AP4E1: variants seen among roughly 807,000 people sequenced by gnomAD.
The protein encoded by AP4E1 is AP-4 complex subunit epsilon-1.
A neutral mutation model predicts 128.2 loss-of-function variants in AP4E1; 56 were observed. The ratio of observed to expected loss-of-function variants is 0.44; its 90% CI spans 0.35 to 0.55. AP4E1 has a LOEUF of 0.55. Among genes scored for constraint, AP4E1 ranks in the 20% least tolerant of loss-of-function variants. The pLI is 0.00. For synonymous variants in AP4E1, 484 were observed against 473.1 expected (o/e 1.02, Z -0.30); for missense variants, 1,324 against 1,307.7 (o/e 1.01, Z -0.19).
At chr15:50,977,772 A>G (rs1009011166) in intron 15 of AP4E1, among the ~76,000 whole-genome samples, 5 of 140,470 alleles carry the variant, frequency 3.6e-5, no homozygotes, top group African/African-American at 8.2e-5. Context: ...CAGTGTTGCA[A>G]TCTTTTGGCT....
At chr15:50,922,389 G>A (rs1413976589) in intron 3 of AP4E1, among the ~76,000 whole-genome samples, 1 of 151,958 alleles carries the variant, frequency 6.6e-6, no homozygotes, top group Non-Finnish European at 1.5e-5. Flanking sequence ...TCTTGGCCCG[G>A]GTCAGATTTG....
chr15:50,993,689 C>G, intron 17 of AP4E1, 64 bp downstream of exon 17: 2 of 1,598,254 alleles, frequency 1.3e-6, no homozygotes, highest in Non-Finnish European at 1.7e-6. Flanking sequence ...AAAACTGGCT[C>G]TATAAAAGCT....
At chr15:50,993,305 T>A (rs1468996509) in intron 16 of AP4E1, 65 bp from the exon 17 acceptor site, 13 of 1,560,218 alleles carry the variant, frequency 8.3e-6, no homozygotes, top group African/African-American at 2.7e-5. Flanking sequence ...TTTGAAAGAA[T>A]GCCTCAAGAA....
In AP4E1 at chr15:50,930,859, C is replaced by A. The variant is rs770999118; in HGVS notation, c.757C>A (p.Gln253Lys). 8 of 1,614,018 alleles carry A rather than the reference C, an allele frequency of 5.0e-6. No individual in the cohort carries two copies. The highest frequency in any genetic ancestry group is 6.8e-6 in the Non-Finnish European group (8 of 1,179,992). The change falls in exon 7 of 21, where the codon CAA becomes AAA. Residue 253 changes from glutamine (Q) to lysine (K), a missense_variant. Coordinates refer to ENST00000261842, the MANE Select transcript of AP4E1 (RefSeq NM_007347.5). ...LTGSFVTILK[Q>K]VVGGKLPVEF... ...TGGGAGTTTTGTAACCATTTTGAAGCAAGTAGTTGGAGGAAAGCTCCCAGT... is the reference window on the plus strand; with the variant it reads ...TGGGAGTTTTGTAACCATTTTGAAGAAAGTAGTTGGAGGAAAGCTCCCAGT...
chr15:50,957,372 T>C (rs1366111762), intron 13 of AP4E1, among the ~76,000 whole-genome samples: 1 of 152,166 alleles, frequency 6.6e-6, no homozygotes, highest in African/African-American at 2.4e-5. Context: ...CGCTTCTCTC[T>C]GACATCCAGC....
chr15:50,962,146 A>G (rs1050542566), intron 14 of AP4E1, among the ~76,000 whole-genome samples: 1 of 152,190 alleles, frequency 6.6e-6, no homozygotes, highest in Admixed American at 6.5e-5. Flanking sequence ...AATAAATCCC[A>G]TGCTCATGGA....
chr15:50,909,405 A>G (rs2063536660), intron 1 of AP4E1, among the ~76,000 whole-genome samples: 3 of 152,110 alleles, frequency 2.0e-5, no homozygotes, highest in Admixed American at 2.0e-4. Flanking sequence ...GATGTCGCAT[A>G]CCTGAAGAGA....
intron 14 of AP4E1, among the ~76,000 whole-genome samples, chr15:50,959,926 A>G (rs755963223): frequency 3.1e-4 from 47 of 152,208 alleles, no homozygotes; most frequent in Non-Finnish European, 5.7e-4. Context: ...AAGTGAAGGG[A>G]TAAATAAAAA....
chr15:50,945,387 T>C lies in AP4E1; in HGVS notation c.1177-2633T>C, dbSNP rs892835896. 5 of 778,722 alleles carry C rather than the reference T, an allele frequency of 6.4e-6. No individual in the cohort carries two copies. In the African/African-American group the frequency reaches 8.5e-5, roughly 13 times the overall value. The allele number at this position is 778,722 out of a possible 1,614,324, so 48.2% of individuals were successfully genotyped here. A position where few individuals can be genotyped will look rare whatever the true frequency, so the allele number is the denominator to read the frequency against. ...AGGTTATATTAGATATGAGAACAAA[T>C]ACAGTTTGTTGGAACCCTATGGAAG... On this transcript the variant is annotated intron_variant, in intron 10 of 20. Coordinates refer to ENST00000261842, the MANE Select transcript of AP4E1 (RefSeq NM_007347.5).
At chr15:50,927,037 G>A (rs1427598934) in intron 5 of AP4E1, among the ~76,000 whole-genome samples, 1 of 152,138 alleles carries the variant, frequency 6.6e-6, no homozygotes, top group Non-Finnish European at 1.5e-5. Context: ...GATGATTATG[G>A]ACAATTAATT....
chr15:50,969,710 G>A (rs530547709), intron 15 of AP4E1, among the ~76,000 whole-genome samples: 2 of 148,108 alleles, frequency 1.4e-5, no homozygotes, highest in Admixed American at 1.4e-4. Context: ...CCAGGCTTGA[G>A]TGCAGTGGCG....
At chr15:50,983,793 G>A (rs1190911889) in intron 15 of AP4E1, among the ~76,000 whole-genome samples, 1 of 152,074 alleles carries the variant, frequency 6.6e-6, no homozygotes, top group Non-Finnish European at 1.5e-5. Context: ...TAAAAATAAA[G>A]GATAGTTGGT....
chr15:50,990,141 A>G (rs1036837146), intron 16 of AP4E1, among the ~76,000 whole-genome samples: 2 of 152,176 alleles, frequency 1.3e-5, no homozygotes, highest in East Asian at 1.9e-4. Flanking sequence ...CTATGTTTGA[A>G]TGGTCTGAAT....
intron 17 of AP4E1, among the ~76,000 whole-genome samples, chr15:50,995,719 A>G (rs117521174): frequency 0.028 from 4,296 of 152,004 alleles, 70 homozygotes; most frequent in Non-Finnish European, 0.038. Flanking sequence ...TTTTCTGAGT[A>G]TGCAGTGCTA....
At chr15:50,974,329 C>T (rs910877599) in intron 15 of AP4E1, among the ~76,000 whole-genome samples, 3 of 145,544 alleles carry the variant, frequency 2.1e-5, no homozygotes, top group East Asian at 2.0e-4. Flanking sequence ...TGCAGTAGAA[C>T]GATCATAGTT....
At position 51,004,670 on chromosome 15, in the gene AP4E1, A is replaced by G. The variant is rs2065000355; in HGVS notation, c.*2008A>G. The G allele has an allele frequency of 6.6e-6, 1 of 152,650 alleles. No homozygotes were observed. Among genetic ancestry groups the G allele is most frequent in the African/African-American group, 2.4e-5 (1 of 41,454 alleles). 9.5% of individuals were successfully genotyped at this position (152,650 alleles called of 1,614,324 possible). A position where few individuals can be genotyped will look rare whatever the true frequency, so the allele number is the denominator to read the frequency against. On this transcript the variant is annotated 3_prime_UTR_variant, in exon 21 of 21. Coordinates refer to ENST00000261842, the MANE Select transcript of AP4E1 (RefSeq NM_007347.5). ...TTTGTTCTTTCTGACCCACTAAATA[A>G]AAAGTAGTGTAACAGGGTTTCACTG...
intron 15 of AP4E1, among the ~76,000 whole-genome samples, chr15:50,973,704 A>T (rs2064514703): frequency 6.6e-6 from 1 of 152,164 alleles, no homozygotes; most frequent in Non-Finnish European, 1.5e-5. Context: ...ACTTAGCATA[A>T]TATTCTTAAG....
chr15:50,923,498 C>A (rs1018017034), intron 3 of AP4E1, among the ~76,000 whole-genome samples: 3 of 152,046 alleles, frequency 2.0e-5, no homozygotes, highest in African/African-American at 7.2e-5. Context: ...TCACTCAGTA[C>A]AAAGAGCTAG....
At chr15:50,945,934 A>G in intron 10 of AP4E1, 1 of 1,296,878 alleles carries the variant, frequency 7.7e-7, no homozygotes, top group Non-Finnish European at 1.1e-6. Flanking sequence ...TATTAAACAC[A>G]GCAAGCCTGG....
Sources: allele counts gnomAD v4.1 joint callset (sites outside exome capture counted in the v4.1 genomes callset), GRCh38; gene constraint gnomAD v4.1.1; transcripts MANE v1.5; gene names NCBI Gene and HGNC (gene_info 2026-07-23, HGNC 2026-07-21).